The following PTGIS variants were observed in gnomAD, a reference collection of about 807,000 sequenced individuals.
The protein encoded by PTGIS is prostacyclin synthase.
PTGIS carries 45 observed loss-of-function variants against 50.3 expected under a neutral mutation model. The observed-to-expected ratio is 0.90, with a 90% CI of 0.70 to 1.15. The LOEUF (loss-of-function observed/expected upper bound fraction) is 1.15. PTGIS is among the 50% of genes most tolerant of loss of function. The probability of loss-of-function intolerance (pLI) is 0.00; values close to 1 mark genes in which losing one functional copy is unlikely to be tolerated. For missense variants in PTGIS, 668 were observed against 661.3 expected, an observed-to-expected ratio of 1.01 and a Z score of -0.11; for synonymous variants, 260 against 267.7, an observed-to-expected ratio of 0.97 and a Z score of 0.28.
chr20:49,538,931 C>T (rs1982152182), intron 5 of PTGIS, among the ~76,000 whole-genome samples: 1 of 152,118 alleles, frequency 6.6e-6, no homozygotes. Context: ...ATCCGCCCAC[C>T]TCAGCCTCCC....
At chr20:49,514,510 G>T in intron 6 of PTGIS, 115 bp from the exon 7 acceptor site, 1 of 1,242,586 alleles carries the variant, frequency 8.0e-7, no homozygotes, top group Non-Finnish European at 1.1e-6. Context: ...TCCCACTGCT[G>T]CCAAACACCC....
At chr20:49,563,212 G>C (rs1016596237) in intron 1 of PTGIS, among the ~76,000 whole-genome samples, 1 of 152,152 alleles carries the variant, frequency 6.6e-6, no homozygotes, top group Non-Finnish European at 1.5e-5. Context: ...AGGTGAGCTG[G>C]AGCAACCCAA....
At chr20:49,525,114 C>A (rs1844960883) in intron 5 of PTGIS, among the ~76,000 whole-genome samples, 1 of 152,120 alleles carries the variant, frequency 6.6e-6, no homozygotes, top group African/African-American at 2.4e-5. Context: ...ACCTAACTGG[C>A]AGATTGGGCT....
Position 49,568,127 on chromosome 20 carries a change from G to GCGGGGCTGA in PTGIS, c.-12_-11insTCAGCCCCG, listed in dbSNP as rs1231593247. On this transcript the variant is annotated 5_prime_UTR_variant, in exon 1 of 10. Transcript: ENST00000244043. ...CGCGGCCCAAGCCATCGCGGGGCTG[G>GCGGGGCTGA]CGGGGCTGGCGGGGCTGGCGGGGCT... 8.8e-7 allele frequency: 1 copy of GCGGGGCTGA among 1,133,474 alleles called. No individual in the cohort carries two copies. The highest frequency in any genetic ancestry group is 1.1e-6 in the Non-Finnish European group (1 of 871,774). 70.2% of individuals were successfully genotyped at this position (1,133,474 alleles called of 1,614,324 possible).
intron 6 of PTGIS, among the ~76,000 whole-genome samples, chr20:49,518,306 G>A (rs938788602): frequency 6.6e-6 from 1 of 152,232 alleles, no homozygotes; most frequent in East Asian, 1.9e-4. Flanking sequence ...ATTGGGAGAA[G>A]GGGGCTAAGG....
intron 6 of PTGIS, among the ~76,000 whole-genome samples, chr20:49,518,257 C>T (rs1981546772): frequency 6.6e-6 from 1 of 152,048 alleles, no homozygotes; most frequent in Non-Finnish European, 1.5e-5. Context: ...AACAAATGTG[C>T]CACTCTGCTG....
At chr20:49,565,571 G>A (rs778498357) in intron 1 of PTGIS, among the ~76,000 whole-genome samples, 5 of 151,998 alleles carry the variant, frequency 3.3e-5, no homozygotes, top group South Asian at 2.1e-4. Flanking sequence ...AGGCTAAGAT[G>A]AGAGGATCAC....
chr20:49,562,580 T>A (rs536375433), intron 1 of PTGIS, among the ~76,000 whole-genome samples: 2 of 152,266 alleles, frequency 1.3e-5, no homozygotes, highest in Middle Eastern at 3.4e-3. Context: ...CACTCTCACT[T>A]TTTTTTAGGT....
At chr20:49,565,669 G>A (rs910526273) in intron 1 of PTGIS, among the ~76,000 whole-genome samples, 3 of 151,786 alleles carry the variant, frequency 2.0e-5, no homozygotes, top group Non-Finnish European at 4.4e-5. Context: ...ATCACTAAAA[G>A]TAAAAGCTAA....
At chr20:49,532,207 T>C (rs1313759615) in intron 5 of PTGIS, among the ~76,000 whole-genome samples, 1 of 152,210 alleles carries the variant, frequency 6.6e-6, no homozygotes, top group African/African-American at 2.4e-5. Flanking sequence ...CGATTTCACT[T>C]CTATTTTTCT....
chr20:49,524,251 G>C lies in PTGIS; in HGVS notation c.674-12C>G. On this transcript the variant is annotated splice_polypyrimidine_tract_variant and intron_variant, in intron 5 of 9. Coordinates refer to ENST00000244043, the MANE Select transcript of PTGIS (RefSeq NM_000961.4). ...GTGGTCCTTGTCCCCTGCAGGGACA[G>C]AGCACAGAGAGTAGGGGTTACAGAT... 1 of 1,613,524 alleles carries C rather than the reference G, an allele frequency of 6.2e-7. No homozygotes were observed. Among genetic ancestry groups the C allele is most frequent in the Non-Finnish European group, 8.5e-7 (1 of 1,179,792 alleles).
At chr20:49,542,773 T>A (rs1433662630) in intron 4 of PTGIS, among the ~76,000 whole-genome samples, 1 of 152,194 alleles carries the variant, frequency 6.6e-6, no homozygotes, top group Non-Finnish European at 1.5e-5. Flanking sequence ...ACTGTTCGTG[T>A]GCTGAGAGCT....
chr20:49,559,061 C>T (rs6125671), intron 1 of PTGIS, among the ~76,000 whole-genome samples: 38,152 of 151,952 alleles, frequency 0.25, 5,637 homozygotes, highest in East Asian at 0.51. Context: ...CAAGGGAACA[C>T]GTTAAATCAT....
At position 49,540,816 on chromosome 20, in the gene PTGIS, C is replaced by T. The variant is rs751021245; in HGVS notation, c.522-1095G>A. On this transcript the variant is annotated intron_variant, in intron 4 of 9. Transcript: ENST00000244043. This position sits in a 1 kb window ranked among gnomAD's most constrained non-coding sequence, Gnocchi z 4.8. The stretch of plus-strand genomic sequence containing the variant: ...CAGGCTTTCATTTTGTCATCTCTGC[C>T]TCAGCAGAGAGTCACAACAAAGAGA... Among the ~76,000 whole-genome samples the T allele has an allele frequency of 1.3e-5, 2 of 152,200 alleles. No individual in the cohort carries two copies. Among genetic ancestry groups the T allele is most frequent in the Non-Finnish European group, 2.9e-5 (2 of 68,036 alleles).
In PTGIS at chr20:49,524,145, C is replaced by T. The variant is rs5628; in HGVS notation, c.768G>A (p.Leu256=). The change falls in exon 6 of 10, where the codon CTG becomes CTA. Residue 256 remains leucine (L), a synonymous_variant. Transcript: ENST00000244043. ...LARRAHRSKW[L]ESYLLHLEEM... ...CCTCCAGGTGCAGCAGGTAACTCTC[C>T]AGCCATTTGCTCCGGTGGGCCCGCC... 112,168 of 1,614,182 alleles carry T rather than the reference C, an allele frequency of 0.069. 4,589 individuals are homozygous for T. Among genetic ancestry groups the T allele is most frequent in the African/African-American group, 0.16 (12,201 of 75,038 alleles).
rs1335293034 is a variant in PTGIS at position 49,544,458 on chromosome 20, G to T, written c.378-10C>A. 3.1e-6 allele frequency: 5 copies of T among 1,613,958 alleles called. No homozygotes were observed. Among genetic ancestry groups the T allele is most frequent in the Non-Finnish European group, 4.2e-6 (5 of 1,180,008 alleles). On this transcript the variant is annotated splice_polypyrimidine_tract_variant and intron_variant, in intron 3 of 9. Coordinates refer to ENST00000244043, the MANE Select transcript of PTGIS (RefSeq NM_000961.4). ...TCTGTGGAGAAGAGTCCTGAGGCAG[G>T]AAACAAAAGCATGAAAATTTGGCTT...
chr20:49,560,325 G>A (rs1982738243), intron 1 of PTGIS, among the ~76,000 whole-genome samples: 1 of 152,140 alleles, frequency 6.6e-6, no homozygotes, highest in African/African-American at 2.4e-5. Flanking sequence ...TCAGCCTCCC[G>A]AGTAGCTGGC....
At chr20:49,557,799 T>C (rs1982653961) in intron 1 of PTGIS, among the ~76,000 whole-genome samples, 1 of 152,170 alleles carries the variant, frequency 6.6e-6, no homozygotes, top group South Asian at 2.1e-4. Flanking sequence ...AAAGTGCTGA[T>C]TTACTGTGCA....
At chr20:49,522,485 G>A (rs1039744417) in intron 6 of PTGIS, among the ~76,000 whole-genome samples, 11 of 151,578 alleles carry the variant, frequency 7.3e-5, no homozygotes, top group African/African-American at 2.4e-4. Flanking sequence ...TGAGGTCTAC[G>A]GTAAGTACTC....
Sources: allele counts gnomAD v4.1 joint callset (sites outside exome capture counted in the v4.1 genomes callset), GRCh38; gene constraint gnomAD v4.1.1; non-coding constraint Gnocchi (gnomAD v3.1); transcripts MANE v1.5; gene names NCBI Gene and HGNC (gene_info 2026-07-23, HGNC 2026-07-21).